FGFR2: variants seen among roughly 807,000 people sequenced by gnomAD.
FGFR2 encodes fibroblast growth factor receptor 2, also known as BEK fibroblast growth factor receptor.
In FGFR2, 19 loss-of-function variants were observed where a neutral mutation model predicts 95.9. The observed-to-expected ratio is 0.20, with a 90% CI of 0.14 to 0.29. The LOEUF (loss-of-function observed/expected upper bound fraction) is 0.29, where lower values mean the gene tolerates loss of function less well. Ranked by LOEUF, FGFR2 falls within the 10% of genes least tolerant of loss-of-function variation. The pLI, the probability that FGFR2 is intolerant of heterozygous loss-of-function variation, is 1.00. For synonymous variants in FGFR2, 392 were observed against 393.3 expected (o/e 1.00, Z 0.04); for missense variants, 707 against 1,056.9 (o/e 0.67, Z 4.59).
intron 12 of FGFR2, 21 bp downstream of exon 12, chr10:121,498,474 G>T: frequency 6.9e-7 from 1 of 1,446,446 alleles, no homozygotes; most frequent in Non-Finnish European, 9.7e-7. Flanking sequence ...TTGGGCGAAT[G>T]CAGTTTTTCC....
intron 5 of FGFR2, among the ~76,000 whole-genome samples, chr10:121,543,845 G>C (rs1327621561): frequency 6.6e-6 from 1 of 152,192 alleles, no homozygotes; most frequent in Non-Finnish European, 1.5e-5. Context: ...CAGAGGAGGT[G>C]GGAAGTGAAT....
intron 4 of FGFR2, among the ~76,000 whole-genome samples, chr10:121,551,662 T>C (rs928375679): frequency 6.6e-6 from 1 of 152,112 alleles, no homozygotes; most frequent in African/African-American, 2.4e-5. Flanking sequence ...GGATGGTTCA[T>C]GTCTACCAAC....
At chr10:121,511,870 A>T (rs1849097932) in intron 9 of FGFR2, among the ~76,000 whole-genome samples, 1 of 152,274 alleles carries the variant, frequency 6.6e-6, no homozygotes. Flanking sequence ...TGCTCAAAAA[A>T]ATAACATAAA....
chr10:121,486,895 G>A (rs946320467), intron 15 of FGFR2, among the ~76,000 whole-genome samples: 1 of 152,194 alleles, frequency 6.6e-6, no homozygotes, highest in Non-Finnish European at 1.5e-5. Flanking sequence ...GATAAACATA[G>A]AGAGTAGACC....
intron 6 of FGFR2, among the ~76,000 whole-genome samples, chr10:121,535,267 T>G (rs1767185870): frequency 6.6e-6 from 1 of 152,232 alleles, no homozygotes; most frequent in Non-Finnish European, 1.5e-5. Flanking sequence ...AATTAGTTTA[T>G]AGTAATTTGT....
In FGFR2 at chr10:121,482,766, C is replaced by T. The variant is rs1010093397; in HGVS notation, c.2301+932G>A. On this transcript the variant is annotated intron_variant, in intron 17 of 17. Transcript: ENST00000358487. The stretch of plus-strand genomic sequence containing the variant: ...CTAAATTTGCACAGTGAGTGACAGA[C>T]GAGTGTTTATTTTGTTGGCAAGGAT... 2.4e-4 allele frequency among the ~76,000 whole-genome samples: 37 copies of T among 152,258 alleles called. 1 individual carries two copies. Among genetic ancestry groups the T allele is most frequent in the Admixed American group, 2.3e-3 (35 of 15,288 alleles).
chr10:121,552,411 C>T (rs1056584515), intron 4 of FGFR2, among the ~76,000 whole-genome samples: 4 of 152,188 alleles, frequency 2.6e-5, no homozygotes, highest in Admixed American at 6.5e-5. Context: ...CATTAATCTT[C>T]ACAATGCTTC....
chr10:121,515,044 C>G (rs1331364639), intron 9 of FGFR2, 73 bp downstream of exon 9: 3 of 1,422,264 alleles, frequency 2.1e-6, no homozygotes, highest in Non-Finnish European at 3.0e-6. Flanking sequence ...GGCATCAAAG[C>G]AGAGGACAAG....
intron 2 of FGFR2, among the ~76,000 whole-genome samples, chr10:121,587,893 T>C (rs759034920): frequency 3.9e-5 from 6 of 152,204 alleles, no homozygotes; most frequent in Non-Finnish European, 5.9e-5. Context: ...CATTACTGGG[T>C]ATATACCCAG....
chr10:121,482,534 C>T (rs779905741), intron 17 of FGFR2, among the ~76,000 whole-genome samples: 1 of 152,170 alleles, frequency 6.6e-6, no homozygotes, highest in Non-Finnish European at 1.5e-5. Context: ...CTTGTTGAGA[C>T]AATTGCATGG....
intron 17 of FGFR2, chr10:121,482,123 C>A (rs200278526): frequency 6.3e-7 from 1 of 1,594,234 alleles, no homozygotes; most frequent in Admixed American, 1.7e-5. Context: ...AGGCATGAGC[C>A]ACTGCGCCTG....
chr10:121,505,630 C>T (rs534715261), intron 9 of FGFR2, among the ~76,000 whole-genome samples: 16 of 152,256 alleles, frequency 1.1e-4, no homozygotes, highest in Admixed American at 9.8e-4. Flanking sequence ...TCCTGCTCCC[C>T]ACTGAGGTCA....
At chr10:121,582,162 C>T (rs951153116) in intron 2 of FGFR2, among the ~76,000 whole-genome samples, 1 of 152,040 alleles carries the variant, frequency 6.6e-6, no homozygotes, top group African/African-American at 2.4e-5. Flanking sequence ...AAACTCCTCA[C>T]CTCATGATCC....
At chr10:121,574,785 G>A (rs1007355657) in intron 2 of FGFR2, among the ~76,000 whole-genome samples, 1 of 152,262 alleles carries the variant, frequency 6.6e-6, no homozygotes, top group East Asian at 1.9e-4. Flanking sequence ...GGCGAGGAAG[G>A]GACAAATACT....
chr10:121,587,660 A>G (rs1862028468), intron 2 of FGFR2, among the ~76,000 whole-genome samples: 1 of 152,222 alleles, frequency 6.6e-6, no homozygotes, highest in Non-Finnish European at 1.5e-5. Flanking sequence ...AAAGCTCATC[A>G]CTAGAGAAAT....
chr10:121,518,676 T>C lies in FGFR2; in HGVS notation c.940-1213A>G. 1 of 1,614,226 alleles carries C rather than the reference T, an allele frequency of 6.2e-7. No individual in the cohort carries two copies. Among genetic ancestry groups the C allele is most frequent in the Non-Finnish European group, 8.5e-7 (1 of 1,180,044 alleles). The stretch of plus-strand genomic sequence containing the variant: ...TAAAAAAAGACAAAAATGAAAGCAT[T>C]GTTACCTTGCTGTTTTGGCAGGACA... On this transcript the variant is annotated intron_variant, in intron 7 of 17. Transcript: ENST00000358487. The surrounding 1 kb of genome is among the most constrained non-coding windows in gnomAD (Gnocchi z 4.0).
intron 4 of FGFR2, among the ~76,000 whole-genome samples, chr10:121,558,607 T>TG (rs1237940530): frequency 4.7e-5 from 7 of 150,384 alleles, no homozygotes; most frequent in African/African-American, 1.8e-4. Flanking sequence ...GATACAGTTT[T>TG]TTGTTTTTTT....
intron 2 of FGFR2, among the ~76,000 whole-genome samples, chr10:121,585,340 C>T (rs1292545212): frequency 6.6e-6 from 1 of 152,190 alleles, no homozygotes; most frequent in Non-Finnish European, 1.5e-5. Context: ...TATCACTATA[C>T]ACTGTAGAGT....
chr10:121,556,433 C>CTCTCTCTCTCTCTCTCTCTCTCTCTCTA lies in FGFR2; in HGVS notation c.455-4975_455-4974insTAGAGAGAGAGAGAGAGAGAGAGAGAGA, dbSNP rs60584824. Among the ~76,000 whole-genome samples, 18 of 140,710 alleles carry CTCTCTCTCTCTCTCTCTCTCTCTCTCTA rather than the reference C, an allele frequency of 1.3e-4. 2 individuals carry two copies. Among genetic ancestry groups the CTCTCTCTCTCTCTCTCTCTCTCTCTCTA allele is most frequent in the African/African-American group, 4.8e-4 (18 of 37,222 alleles). 92.3% of individuals were successfully genotyped at this position (140,710 alleles called of 152,430 possible). A position where few individuals can be genotyped will look rare whatever the true frequency, so the allele number is the denominator to read the frequency against. The stretch of plus-strand genomic sequence containing the variant: ...TCTCTCTCTCTCTCTCTCTCTCTCT[C>CTCTCTCTCTCTCTCTCTCTCTCTCTCTA]TGGAACCAAAAAACAGAGAACACGG... On this transcript the variant is annotated intron_variant, in intron 4 of 17. Transcript: ENST00000358487.
Sources: allele counts gnomAD v4.1 joint callset (sites outside exome capture counted in the v4.1 genomes callset), GRCh38; gene constraint gnomAD v4.1.1; non-coding constraint Gnocchi (gnomAD v3.1); transcripts MANE v1.5; gene names NCBI Gene and HGNC (gene_info 2026-07-23, HGNC 2026-07-21).